PHLPP1: variants seen among roughly 807,000 people sequenced by gnomAD.
The protein encoded by PHLPP1 is PH domain leucine-rich repeat-containing protein phosphatase 1.
Under a neutral mutation model 117.2 loss-of-function variants are expected in PHLPP1, and 42 were observed. The ratio of observed to expected loss-of-function variants is 0.36; its 90% CI spans 0.28 to 0.46. The LOEUF is 0.46. PHLPP1 is among the 20% of genes least tolerant of loss of function. The pLI is 1.00. For synonymous variants in PHLPP1, 1,042 were observed against 970.7 expected, an observed-to-expected ratio of 1.07 and a Z score of -1.37; for missense variants, 2,084 against 2,241.9, an observed-to-expected ratio of 0.93 and a Z score of 1.42.
chr18:62,724,447 A>G (rs1361467935), intron 1 of PHLPP1, among the ~76,000 whole-genome samples: 4 of 152,338 alleles, frequency 2.6e-5, no homozygotes, highest in African/African-American at 9.6e-5. Flanking sequence ...AGAATTTAGG[A>G]TGTTGTAGAG....
At chr18:62,890,167 T>C (rs1916372426) in intron 4 of PHLPP1, among the ~76,000 whole-genome samples, 1 of 152,162 alleles carries the variant, frequency 6.6e-6, no homozygotes, top group Non-Finnish European at 1.5e-5. Context: ...GTAGGGGTCA[T>C]TATCACTTTC....
chr18:62,755,697 A>G (rs1476058536), intron 1 of PHLPP1, among the ~76,000 whole-genome samples: 1 of 152,098 alleles, frequency 6.6e-6, no homozygotes, highest in Non-Finnish European at 1.5e-5. Context: ...TGAGAAATAC[A>G]TTTCTGTTGT....
chr18:62,734,556 A>G (rs1388164160), intron 1 of PHLPP1, among the ~76,000 whole-genome samples: 1 of 152,192 alleles, frequency 6.6e-6, no homozygotes, highest in Non-Finnish European at 1.5e-5. Context: ...GGATGACAAC[A>G]CTGGAAAATG....
At chr18:62,817,421 A>G (rs1398467046) in intron 1 of PHLPP1, among the ~76,000 whole-genome samples, 1 of 152,238 alleles carries the variant, frequency 6.6e-6, no homozygotes, top group African/African-American at 2.4e-5. Context: ...GTGTATATGT[A>G]GGTAAATACA....
chr18:62,887,509 T>C (rs1916312992), intron 4 of PHLPP1, among the ~76,000 whole-genome samples: 1 of 152,162 alleles, frequency 6.6e-6, no homozygotes, highest in Non-Finnish European at 1.5e-5. Context: ...ACCAGCAGGT[T>C]TGGTGTCTGG....
intron 1 of PHLPP1, among the ~76,000 whole-genome samples, chr18:62,728,058 A>G (rs1911127295): frequency 6.6e-6 from 1 of 152,072 alleles, no homozygotes; most frequent in South Asian, 2.1e-4. Flanking sequence ...AGGCTGAGGC[A>G]GGCGGGCGGG....
intron 4 of PHLPP1, among the ~76,000 whole-genome samples, chr18:62,887,839 G>C (rs1599103197): frequency 6.6e-6 from 1 of 152,216 alleles, no homozygotes; most frequent in South Asian, 2.1e-4. Flanking sequence ...CTGGGTTCAA[G>C]CTGTCCTCCC....
intron 4 of PHLPP1, among the ~76,000 whole-genome samples, chr18:62,863,922 C>G (rs1915698652): frequency 6.6e-6 from 1 of 152,316 alleles, no homozygotes; most frequent in African/African-American, 2.4e-5. Context: ...TACCCAGCCC[C>G]TATTCAAGAT....
intron 1 of PHLPP1, among the ~76,000 whole-genome samples, chr18:62,728,082 G>A (rs1026478848): frequency 6.6e-6 from 1 of 152,070 alleles, no homozygotes; most frequent in African/African-American, 2.4e-5. Context: ...ATCACCTGAT[G>A]TCAGGAGCTT....
intron 10 of PHLPP1, among the ~76,000 whole-genome samples, chr18:62,929,013 A>G (rs1443689399): frequency 6.6e-6 from 1 of 152,216 alleles, no homozygotes; most frequent in Non-Finnish European, 1.5e-5. Context: ...ACAGATGGGT[A>G]TAGGGTTTCT....
intron 3 of PHLPP1, among the ~76,000 whole-genome samples, chr18:62,849,634 A>AT (rs1232805652): frequency 7.9e-6 from 1 of 125,844 alleles, no homozygotes; most frequent in East Asian, 2.4e-4. Context: ...TGGATGATAG[A>AT]TTGAGATTCT....
intron 13 of PHLPP1, among the ~76,000 whole-genome samples, chr18:62,962,205 A>G (rs1910788953): frequency 6.6e-6 from 1 of 152,214 alleles, no homozygotes; most frequent in Non-Finnish European, 1.5e-5. Context: ...AGACTACTTT[A>G]CATCTGTTAA....
At chr18:62,851,452 A>G (rs745799449) in intron 3 of PHLPP1, among the ~76,000 whole-genome samples, 2 of 152,056 alleles carry the variant, frequency 1.3e-5, no homozygotes, top group African/African-American at 2.4e-5. Context: ...ACAGAATACC[A>G]TCTCTCATAT....
chr18:62,915,308 C>A lies in PHLPP1; in HGVS notation c.2804+300C>A, dbSNP rs533624700. ...TGAAGCAAACAATATGATTGGCCCACTTCTGGAATCTTAAGTCTTTCAGAA... is the reference window on the plus strand; with the variant it reads ...TGAAGCAAACAATATGATTGGCCCAATTCTGGAATCTTAAGTCTTTCAGAA... On this transcript the variant is annotated intron_variant, in intron 9 of 16. Coordinates refer to ENST00000262719, the MANE Select transcript of PHLPP1 (RefSeq NM_194449.4). Among the ~76,000 whole-genome samples, 29 of 152,326 alleles carry A rather than the reference C, an allele frequency of 1.9e-4. 1 individual carries two copies. Among genetic ancestry groups the A allele is most frequent in the African/African-American group, 7.0e-4 (29 of 41,568 alleles).
chr18:62,794,122 G>A (rs960495025), intron 1 of PHLPP1, among the ~76,000 whole-genome samples: 1 of 152,022 alleles, frequency 6.6e-6, no homozygotes, highest in African/African-American at 2.4e-5. Context: ...TAAAACTTAA[G>A]GTGAAATGTC....
At chr18:62,963,298 T>C (rs547690) in intron 13 of PHLPP1, 70 bp from the exon 14 acceptor site, 496,118 of 981,022 alleles carry the variant, frequency 0.51, 128,228 homozygotes, top group African/African-American at 0.69. Flanking sequence ...TTTTATTTCT[T>C]GGATAAAGGT....
intron 1 of PHLPP1, among the ~76,000 whole-genome samples, chr18:62,751,256 A>G (rs1911845324): frequency 6.6e-6 from 1 of 152,216 alleles, no homozygotes; most frequent in Non-Finnish European, 1.5e-5. Flanking sequence ...TGAAGCATAT[A>G]GAATGTTTGT....
chr18:62,802,976 A>G (rs1206070723), intron 1 of PHLPP1, among the ~76,000 whole-genome samples: 1 of 152,210 alleles, frequency 6.6e-6, no homozygotes, highest in African/African-American at 2.4e-5. Context: ...AATAAAGGTA[A>G]GTGGCAGAAG....
At chr18:62,903,789 G>GAAAAGATA (rs1263920778) in intron 7 of PHLPP1, among the ~76,000 whole-genome samples, 2 of 150,080 alleles carry the variant, frequency 1.3e-5, no homozygotes, top group Non-Finnish European at 3.0e-5. Context: ...AAAAAGACAA[G>GAAAAGATA]AAAAGATAAT....
Sources: allele counts gnomAD v4.1 joint callset (sites outside exome capture counted in the v4.1 genomes callset), GRCh38; gene constraint gnomAD v4.1.1; transcripts MANE v1.5; gene names NCBI Gene and HGNC (gene_info 2026-07-23, HGNC 2026-07-21).